Variants in GABRA2 observed in about 807,000 individuals in gnomAD.
GABRA2 encodes gamma-aminobutyric acid receptor subunit alpha-2.
Under a neutral mutation model 48.7 loss-of-function variants are expected in GABRA2, and 16 were observed. The ratio of observed to expected loss-of-function variants is 0.33; its 90% CI spans 0.22 to 0.50. The LOEUF (loss-of-function observed/expected upper bound fraction) is 0.50. Among genes scored for constraint, GABRA2 ranks in the 20% least tolerant of loss-of-function variants. The pLI is 0.98. For synonymous variants in GABRA2, 185 were observed against 184.5 expected (o/e 1.00, Z -0.02); for missense variants, 275 against 535.6 (o/e 0.51, Z 4.80).
At position 46,383,147 on chromosome 4, in the gene GABRA2, T is replaced by C. The variant is rs114163803; in HGVS notation, c.187+2927A>G. Among the ~76,000 whole-genome samples, 1,096 of 152,336 alleles carry C rather than the reference T, an allele frequency of 7.2e-3. 1 individual carries two copies. The highest frequency in any genetic ancestry group is 0.014 in the Middle Eastern group (4 of 294). Reference sequence around the variant, plus strand: ...AAGTCTTTTAGTTATTGTCATTTATTAACTGTCCACTAAATGCCAGTCGCT... The same window carrying C: ...AAGTCTTTTAGTTATTGTCATTTATCAACTGTCCACTAAATGCCAGTCGCT... On this transcript the variant is annotated intron_variant, in intron 3 of 9. Transcript: ENST00000381620.
intron 8 of GABRA2, among the ~76,000 whole-genome samples, chr4:46,284,528 G>T (rs111247163): frequency 3.9e-5 from 6 of 152,224 alleles, no homozygotes; most frequent in African/African-American, 1.4e-4. Context: ...TTTTACTTTT[G>T]CAAAATACAA....
At chr4:46,287,905 T>A (rs1722866264) in intron 8 of GABRA2, among the ~76,000 whole-genome samples, 1 of 152,110 alleles carries the variant, frequency 6.6e-6, no homozygotes, top group South Asian at 2.1e-4. Flanking sequence ...GGACTTACAG[T>A]TCCACTTGGT....
rs929187787 is a variant in GABRA2 at position 46,319,310 on chromosome 4, T to C, written c.256-6594A>G. On this transcript the variant is annotated intron_variant, in intron 4 of 9. Transcript: ENST00000381620. Reference sequence around the variant, plus strand: ...GTAGGACTGTTCCTGGAGTGATTTCTCATTTACTTTGATTTTCTACATTTA... The same window carrying C: ...GTAGGACTGTTCCTGGAGTGATTTCCCATTTACTTTGATTTTCTACATTTA... Among the ~76,000 whole-genome samples, 3 of 151,798 alleles carry C rather than the reference T, an allele frequency of 2.0e-5. No individual in the cohort carries two copies. In the East Asian group the frequency reaches 5.8e-4, roughly 29 times the overall value.
At chr4:46,331,217 C>A (rs1373265511) in intron 4 of GABRA2, among the ~76,000 whole-genome samples, 2 of 152,122 alleles carry the variant, frequency 1.3e-5, no homozygotes, top group African/African-American at 4.8e-5. Flanking sequence ...CTTGACATTC[C>A]TGTTTCAAAT....
chr4:46,319,635 A>G (rs565096128), intron 4 of GABRA2, among the ~76,000 whole-genome samples: 1 of 151,914 alleles, frequency 6.6e-6, no homozygotes, highest in Non-Finnish European at 1.5e-5. Context: ...TACAAGCCTT[A>G]TTATACAAAG....
At chr4:46,252,241 G>A (rs1174375203) in intron 9 of GABRA2, among the ~76,000 whole-genome samples, 2 of 151,282 alleles carry the variant, frequency 1.3e-5, no homozygotes, top group Admixed American at 6.6e-5. Context: ...TATGAAAGAA[G>A]GAAGGATGAG....
At chr4:46,323,435 C>T (rs1186062458) in intron 4 of GABRA2, among the ~76,000 whole-genome samples, 2 of 151,932 alleles carry the variant, frequency 1.3e-5, no homozygotes, top group Non-Finnish European at 2.9e-5. Context: ...TACCAAACTC[C>T]GTATCTACCA....
intron 8 of GABRA2, among the ~76,000 whole-genome samples, chr4:46,297,845 CAT>C (rs1265337878): frequency 6.6e-6 from 1 of 151,692 alleles, no homozygotes; most frequent in Non-Finnish European, 1.5e-5. Flanking sequence ...TGAGATCTTC[CAT>C]ATTTTTTAAT....
chr4:46,268,614 T>A (rs1026944495), intron 8 of GABRA2, among the ~76,000 whole-genome samples: 1 of 151,924 alleles, frequency 6.6e-6, no homozygotes, highest in Non-Finnish European at 1.5e-5. Flanking sequence ...ATAACTCTTA[T>A]GGAAAACAGT....
chr4:46,258,382 T>G (rs1716277951), intron 9 of GABRA2, among the ~76,000 whole-genome samples: 1 of 151,824 alleles, frequency 6.6e-6, no homozygotes, highest in Non-Finnish European at 1.5e-5. Flanking sequence ...GGCCTAATCA[T>G]TTACAAGGGC....
chr4:46,298,110 T>G (rs1277205535), intron 8 of GABRA2, among the ~76,000 whole-genome samples: 2 of 152,132 alleles, frequency 1.3e-5, no homozygotes, highest in Non-Finnish European at 2.9e-5. Flanking sequence ...TTGTATTATT[T>G]CAACCTTCTA....
intron 9 of GABRA2, chr4:46,261,670 G>C (rs1717007726): frequency 1.8e-6 from 1 of 566,622 alleles, no homozygotes. Flanking sequence ...TTATGTGAGA[G>C]AGCATATGTA....
intron 3 of GABRA2, among the ~76,000 whole-genome samples, chr4:46,336,830 G>A (rs1732314908): frequency 6.6e-6 from 1 of 151,966 alleles, no homozygotes. Flanking sequence ...GGTGGTCACT[G>A]TTAATCTTAC....
chr4:46,256,909 G>A (rs895265110), intron 9 of GABRA2, among the ~76,000 whole-genome samples: 7 of 151,508 alleles, frequency 4.6e-5, no homozygotes, highest in African/African-American at 1.2e-4. Context: ...CTACGTCTAC[G>A]TTTTGAGTAA....
At chr4:46,378,225 G>A (rs1402115531) in intron 3 of GABRA2, among the ~76,000 whole-genome samples, 41 of 152,204 alleles carry the variant, frequency 2.7e-4, no homozygotes, top group African/African-American at 7.0e-4. Context: ...AAGGGGGGAA[G>A]GGTGGGGAAA....
chr4:46,386,274 T>G lies in GABRA2; in HGVS notation c.72-85A>C, dbSNP rs993632699. On this transcript the variant is annotated intron_variant, in intron 2 of 9. Coordinates refer to ENST00000381620, the MANE Select transcript of GABRA2 (RefSeq NM_000807.4). ...ATGCTTTTCTTCCTTAATTTAAATT[T>G]TAACACTCCCTGAGCTATTAGTACC... 6.5e-5 allele frequency: 51 copies of G among 788,986 alleles called. 1 individual carries two copies. In the Admixed American group the frequency reaches 1.4e-3, roughly 21 times the overall value. 48.9% of individuals were successfully genotyped at this position (788,986 alleles called of 1,614,324 possible).
chr4:46,309,285 G>A (rs754337742), intron 6 of GABRA2, among the ~76,000 whole-genome samples: 1 of 152,106 alleles, frequency 6.6e-6, no homozygotes, highest in African/African-American at 2.4e-5. Flanking sequence ...GATACAGTTT[G>A]TGAGGAGAAG....
chr4:46,371,063 A>G (rs886700158), intron 3 of GABRA2, among the ~76,000 whole-genome samples: 7 of 152,170 alleles, frequency 4.6e-5, no homozygotes, highest in African/African-American at 1.7e-4. Context: ...AATTTTCTTT[A>G]TATACAAACT....
At chr4:46,306,290 A>T (rs1422076341) in intron 6 of GABRA2, among the ~76,000 whole-genome samples, 1 of 152,192 alleles carries the variant, frequency 6.6e-6, no homozygotes. Context: ...TTTTTAAATG[A>T]ATCAATGCAC....
Sources: allele counts gnomAD v4.1 joint callset (sites outside exome capture counted in the v4.1 genomes callset), GRCh38; gene constraint gnomAD v4.1.1; transcripts MANE v1.5; gene names NCBI Gene and HGNC (gene_info 2026-07-23, HGNC 2026-07-21).